Variants in KIAA0825 observed in about 807,000 individuals in gnomAD.
The protein encoded by KIAA0825 is uncharacterized protein KIAA0825.
A neutral mutation model predicts 147.6 loss-of-function variants in KIAA0825; 119 were observed. The observed-to-expected ratio is 0.81, with a 90% confidence interval of 0.69 to 0.94. KIAA0825 has a LOEUF of 0.94. KIAA0825 is among the 40% of genes least tolerant of loss of function. KIAA0825 has a pLI of 0.00. For synonymous variants in KIAA0825, 470 were observed against 518.1 expected, an observed-to-expected ratio of 0.91 and a Z score of 1.26; for missense variants, 1,381 against 1,472.7, an observed-to-expected ratio of 0.94 and a Z score of 1.02.
chr5:94,218,977 T>G (rs1222543482), intron 20 of KIAA0825, among the ~76,000 whole-genome samples: 1 of 152,168 alleles, frequency 6.6e-6, no homozygotes, highest in African/African-American at 2.4e-5. Flanking sequence ...TTTGCACTGG[T>G]TATCACTAAG....
chr5:94,269,685 A>C (rs1375547740), intron 20 of KIAA0825, among the ~76,000 whole-genome samples: 1 of 152,146 alleles, frequency 6.6e-6, no homozygotes, highest in Admixed American at 6.5e-5. Flanking sequence ...GAAAGTTTAT[A>C]GCAATAAGCA....
At chr5:94,229,142 C>T (rs1430814290) in intron 20 of KIAA0825, among the ~76,000 whole-genome samples, 3 of 152,208 alleles carry the variant, frequency 2.0e-5, no homozygotes, top group Non-Finnish European at 4.4e-5. Flanking sequence ...CTGAATCTAA[C>T]TCTTTCTTGG....
intron 20 of KIAA0825, among the ~76,000 whole-genome samples, chr5:94,192,229 T>C (rs1453427687): frequency 1.3e-5 from 2 of 152,224 alleles, no homozygotes; most frequent in Non-Finnish European, 2.9e-5. Flanking sequence ...CCTATGAAGT[T>C]ATTAGGACAG....
At chr5:94,181,699 G>C (rs1291251608) in intron 20 of KIAA0825, among the ~76,000 whole-genome samples, 1 of 152,038 alleles carries the variant, frequency 6.6e-6, no homozygotes, top group South Asian at 2.1e-4. Context: ...ACTACATCAA[G>C]GTAAAGAGAA....
chr5:94,296,841 G>T (rs1584035326), intron 20 of KIAA0825, among the ~76,000 whole-genome samples: 1 of 152,040 alleles, frequency 6.6e-6, no homozygotes. Flanking sequence ...TTCCTATTCA[G>T]CCATCTTGCC....
intron 2 of KIAA0825, among the ~76,000 whole-genome samples, chr5:94,547,882 A>C (rs1172461026): frequency 6.6e-6 from 1 of 152,090 alleles, no homozygotes; most frequent in Non-Finnish European, 1.5e-5. Context: ...GGAAAAAAAA[A>C]ACAAAAAAAC....
At chr5:94,302,223 G>A (rs757627779) in intron 20 of KIAA0825, among the ~76,000 whole-genome samples, 20 of 152,044 alleles carry the variant, frequency 1.3e-4, no homozygotes, top group Non-Finnish European at 5.9e-5. Context: ...CCCCAGTTGC[G>A]CTTCATCATG....
intron 20 of KIAA0825, among the ~76,000 whole-genome samples, chr5:94,340,479 G>C (rs1441046934): frequency 6.6e-6 from 1 of 151,874 alleles, no homozygotes; most frequent in African/African-American, 2.4e-5. Flanking sequence ...GACAAATTTT[G>C]GTTCACAATT....
chr5:94,320,453 T>C (rs917900881), intron 20 of KIAA0825, among the ~76,000 whole-genome samples: 2 of 150,784 alleles, frequency 1.3e-5, no homozygotes. Context: ...TTTGTACCCA[T>C]TGACCAACCT....
chr5:94,418,677 G>C (rs951600968), intron 14 of KIAA0825, among the ~76,000 whole-genome samples: 1 of 151,800 alleles, frequency 6.6e-6, no homozygotes, highest in Non-Finnish European at 1.5e-5. Context: ...CTTTCTACTG[G>C]GGTTATTAAC....
chr5:94,397,389 T>C (rs1750807529), intron 16 of KIAA0825, among the ~76,000 whole-genome samples: 1 of 152,196 alleles, frequency 6.6e-6, no homozygotes, highest in South Asian at 2.1e-4. Flanking sequence ...CTTCCTTGTT[T>C]GGTGCTATTT....
intron 20 of KIAA0825, among the ~76,000 whole-genome samples, chr5:94,246,466 C>T (rs1315044043): frequency 1.3e-5 from 2 of 152,168 alleles, no homozygotes; most frequent in South Asian, 2.1e-4. Flanking sequence ...GCGTGTGTGC[C>T]TTGGGAGAGT....
intron 5 of KIAA0825, among the ~76,000 whole-genome samples, chr5:94,497,528 C>T (rs996701562): frequency 5.3e-5 from 8 of 152,116 alleles, no homozygotes; most frequent in African/African-American, 9.7e-5. Flanking sequence ...ATAAATTGCT[C>T]AAGGTCACAA....
chr5:94,226,944 T>G (rs1211503315), intron 20 of KIAA0825, among the ~76,000 whole-genome samples: 1 of 152,212 alleles, frequency 6.6e-6, no homozygotes, highest in Admixed American at 6.5e-5. Flanking sequence ...TTTACATTGT[T>G]GGTGGGACTG....
At chr5:94,223,847 CTTAG>C (rs1198641236) in intron 20 of KIAA0825, among the ~76,000 whole-genome samples, 1 of 151,880 alleles carries the variant, frequency 6.6e-6, no homozygotes, top group Non-Finnish European at 1.5e-5. Context: ...TTTAACATGC[CTTAG>C]TTAAAGATTA....
At chr5:94,176,706 G>T (rs1303453366) in intron 20 of KIAA0825, among the ~76,000 whole-genome samples, 1 of 152,058 alleles carries the variant, frequency 6.6e-6, no homozygotes, top group East Asian at 1.9e-4. Flanking sequence ...TATACCCAAA[G>T]AGTACTTTGG....
chr5:94,509,432 C>A (rs1464003449), intron 5 of KIAA0825, among the ~76,000 whole-genome samples: 1 of 152,086 alleles, frequency 6.6e-6, no homozygotes, highest in African/African-American at 2.4e-5. Context: ...TTCTGTAACT[C>A]AAATCCCTAC....
At chr5:94,617,850 A>G (rs1224667120) in intron 1 of KIAA0825, 1 of 152,226 alleles carries the variant, frequency 6.6e-6, no homozygotes, top group East Asian at 1.9e-4. Context: ...CAAAGCCTGG[A>G]GCAGAACGCA....
chr5:94,439,046 A>G (rs951798616), intron 14 of KIAA0825, among the ~76,000 whole-genome samples: 5 of 152,264 alleles, frequency 3.3e-5, no homozygotes, highest in Non-Finnish European at 5.9e-5. Context: ...AGTAGGAAAG[A>G]TAGGTGAGCC....
Sources: allele counts gnomAD v4.1 joint callset (sites outside exome capture counted in the v4.1 genomes callset), GRCh38; gene constraint gnomAD v4.1.1; transcripts MANE v1.5; gene names NCBI Gene and HGNC (gene_info 2026-07-23, HGNC 2026-07-21).